The following PCDHGA8 variants were observed in gnomAD, a reference collection of about 807,000 sequenced individuals.
PCDHGA8 encodes protocadherin gamma-A8.
Under a neutral mutation model 59.2 loss-of-function variants are expected in PCDHGA8, and 45 were observed. That is an observed-to-expected ratio of 0.76 (90% CI 0.60 to 0.98). The LOEUF is 0.98. Ranked by LOEUF, PCDHGA8 falls within the 50% of genes least tolerant of loss-of-function variation. The pLI is 0.00. For synonymous variants in PCDHGA8, 531 were observed against 519.0 expected, an observed-to-expected ratio of 1.02 and a Z score of -0.32; for missense variants, 1,257 against 1,196.2, an observed-to-expected ratio of 1.05 and a Z score of -0.75.
At chr5:141,478,050 CG>C in intron 1 of PCDHGA8, 1 of 1,614,184 alleles carries the variant, frequency 6.2e-7, no homozygotes, top group Non-Finnish European at 8.5e-7. Context: ...CAGACTCTCA[CG>C]GTCTTGATCA....
intron 1 of PCDHGA8, chr5:141,403,277 C>G (rs2094385466): frequency 6.2e-7 from 1 of 1,613,750 alleles, no homozygotes; most frequent in Admixed American, 1.7e-5. Context: ...CTTTAAAGTC[C>G]TGGTTGAAGA....
At chr5:141,457,500 A>G (rs1483244745) in intron 1 of PCDHGA8, among the ~76,000 whole-genome samples, 1 of 152,244 alleles carries the variant, frequency 6.6e-6, no homozygotes, top group African/African-American at 2.4e-5. Context: ...AAATGTAGGC[A>G]AAAAGCTTAA....
At chr5:141,468,324 C>T (rs1301315098) in intron 1 of PCDHGA8, 1 of 127,722 alleles carries the variant, frequency 7.8e-6, no homozygotes, top group Non-Finnish European at 1.6e-5. Context: ...ACGGTAAACT[C>T]CATCTCAAAA....
intron 2 of PCDHGA8, among the ~76,000 whole-genome samples, chr5:141,497,336 A>G (rs558221190): frequency 1.6e-3 from 251 of 152,122 alleles, no homozygotes; most frequent in Non-Finnish European, 2.8e-3. Flanking sequence ...TTCACCATTG[A>G]ACCTGGAAGC....
At chr5:141,488,268 C>T (rs1371050827) in intron 1 of PCDHGA8, among the ~76,000 whole-genome samples, 1 of 152,170 alleles carries the variant, frequency 6.6e-6, no homozygotes, top group East Asian at 1.9e-4. Context: ...GCGGGTTGGT[C>T]ATCACCTTTG....
chr5:141,481,897 G>A (rs916673176), intron 1 of PCDHGA8, among the ~76,000 whole-genome samples: 3 of 128,712 alleles, frequency 2.3e-5, no homozygotes, highest in South Asian at 5.0e-4. Context: ...CTGGGTGAAA[G>A]AGCGAAACTC....
chr5:141,405,546 A>G (rs2094684316), intron 1 of PCDHGA8: 1 of 630,658 alleles, frequency 1.6e-6, no homozygotes, highest in Admixed American at 2.9e-5. Context: ...CAGCCTCCCA[A>G]GTAGAGTAGC....
In PCDHGA8 at chr5:141,499,676, C is replaced by G. The variant is rs534287777; in HGVS notation, c.2483+4811C>G. On this transcript the variant is annotated intron_variant, in intron 2 of 3. Coordinates refer to ENST00000398604, the MANE Select transcript of PCDHGA8 (RefSeq NM_032088.2). Reference sequence around the variant, plus strand: ...ATAATTTCATCTTGGTCTCCACCATCTTTAACAGATGACTTTTTTTTTTTT... The same window carrying G: ...ATAATTTCATCTTGGTCTCCACCATGTTTAACAGATGACTTTTTTTTTTTT... Among the ~76,000 whole-genome samples, 13 of 144,474 alleles carry G rather than the reference C, an allele frequency of 9.0e-5. No homozygotes were observed. In the South Asian group the frequency reaches 2.9e-3, roughly 33 times the overall value. The allele number at this position is 144,474 out of a possible 152,430, so 94.8% of individuals were successfully genotyped here.
intron 1 of PCDHGA8, among the ~76,000 whole-genome samples, chr5:141,468,952 G>GTT (rs34870721): frequency 3.3e-5 from 5 of 151,198 alleles, no homozygotes; most frequent in Admixed American, 6.6e-5. Flanking sequence ...TAAACCTGTG[G>GTT]TTTTTTTTAC....
chr5:141,499,174 C>T (rs930279867), intron 2 of PCDHGA8, among the ~76,000 whole-genome samples: 20 of 152,198 alleles, frequency 1.3e-4, no homozygotes, highest in Middle Eastern at 3.4e-3. Flanking sequence ...AGCTCTGAGC[C>T]CAGCAAACCA....
At chr5:141,400,929 A>G (rs1179035412) in intron 1 of PCDHGA8, among the ~76,000 whole-genome samples, 2 of 152,214 alleles carry the variant, frequency 1.3e-5, no homozygotes, top group Non-Finnish European at 2.9e-5. Flanking sequence ...CTGCTAGTAG[A>G]TGTCTTTCTT....
chr5:141,428,186 C>CCGCTCTCTG, intron 1 of PCDHGA8: 2 of 1,460,956 alleles, frequency 1.4e-6, no homozygotes, highest in Non-Finnish European at 1.9e-6. Flanking sequence ...AGGACAGCCG[C>CCGCTCTCTG]CGCTCTCTGC....
chr5:141,453,101 T>TTTCTG (rs1554138035), intron 1 of PCDHGA8, among the ~76,000 whole-genome samples: 1 of 152,012 alleles, frequency 6.6e-6, no homozygotes, highest in Non-Finnish European at 1.5e-5. Context: ...TTCTGTTGCT[T>TTTCTG]TTTTGTTTTG....
At chr5:141,414,287 C>A (rs374229359) in intron 1 of PCDHGA8, 4 of 1,613,316 alleles carry the variant, frequency 2.5e-6, no homozygotes, top group Non-Finnish European at 3.4e-6. Flanking sequence ...ACAGTCGTAG[C>A]CCTTTTAAAT....
Position 141,433,071 on chromosome 5 carries a change from C to T in PCDHGA8, c.2424+37834C>T, listed in dbSNP as rs2097566106. On this transcript the variant is annotated intron_variant, in intron 1 of 3. Transcript: ENST00000398604. ...TCGCGGAAGAGTCACCTGATCTTCC[C>T]CCAGCCCAACTATGCAGACATGCTC... 2.5e-6 allele frequency: 4 copies of T among 1,614,154 alleles called. No homozygotes were observed. The East Asian group carries it at 8.9e-5, about 36-fold the overall frequency.
At chr5:141,408,632 G>C (rs2154540395) in intron 1 of PCDHGA8, 3 of 1,613,952 alleles carry the variant, frequency 1.9e-6, no homozygotes, top group Non-Finnish European at 1.7e-6. Flanking sequence ...AGAAATTTTC[G>C]AATCTGCATC....
intron 1 of PCDHGA8, among the ~76,000 whole-genome samples, chr5:141,439,076 C>G (rs1358035789): frequency 6.6e-6 from 1 of 151,590 alleles, no homozygotes; most frequent in East Asian, 2.0e-4. Context: ...GCCTGTAATC[C>G]CAGCTACTCA....
chr5:141,413,385 A>C, intron 1 of PCDHGA8: 1 of 1,613,990 alleles, frequency 6.2e-7, no homozygotes, highest in South Asian at 1.1e-5. Flanking sequence ...GAGTCCGCAT[A>C]GTCTCCAGAG....
intron 1 of PCDHGA8, among the ~76,000 whole-genome samples, chr5:141,425,919 GA>G (rs2096903434): frequency 6.6e-6 from 1 of 152,056 alleles, no homozygotes; most frequent in African/African-American, 2.4e-5. Flanking sequence ...CAGTCACTAC[GA>G]AAACTCATAA....
Sources: allele counts gnomAD v4.1 joint callset (sites outside exome capture counted in the v4.1 genomes callset), GRCh38; gene constraint gnomAD v4.1.1; transcripts MANE v1.5; gene names NCBI Gene and HGNC (gene_info 2026-07-23, HGNC 2026-07-21).